Variants in LPIN2 observed in about 807,000 individuals in gnomAD.
LPIN2 encodes the protein phosphatidate phosphatase LPIN2.
A neutral mutation model predicts 111.4 loss-of-function variants in LPIN2; 55 were observed. The ratio of observed to expected loss-of-function variants is 0.49; its 90% confidence interval spans 0.40 to 0.62. The LOEUF is 0.62. LPIN2 is among the 20% of genes least tolerant of loss of function. LPIN2 has a pLI of 0.00. For synonymous variants in LPIN2, 425 were observed against 414.0 expected, an observed-to-expected ratio of 1.03 and a Z score of -0.32; for missense variants, 992 against 1,112.1, an observed-to-expected ratio of 0.89 and a Z score of 1.54.
At chr18:2,949,731 ATTGT>A (rs1213633449) in intron 4 of LPIN2, among the ~76,000 whole-genome samples, 1 of 152,226 alleles carries the variant, frequency 6.6e-6, no homozygotes, top group Admixed American at 6.5e-5. Context: ...TGGAAAATGA[ATTGT>A]TTTACAAAAA....
chr18:2,942,649 T>TAGG (rs1440840240), intron 4 of LPIN2, among the ~76,000 whole-genome samples: 1 of 152,206 alleles, frequency 6.6e-6, no homozygotes, highest in Non-Finnish European at 1.5e-5. Context: ...TTTTTGGTCA[T>TAGG]ATCCTGACAA....
At position 2,970,180 on chromosome 18, in the gene LPIN2, TGG is replaced by T. The variant is rs534150265; in HGVS notation, c.-9-9333_-9-9332del. Among the ~76,000 whole-genome samples, 41 of 152,274 alleles carry T rather than the reference TGG, an allele frequency of 2.7e-4. No individual in the cohort carries two copies. The South Asian group carries it at 8.3e-3, about 31-fold the overall frequency. On this transcript the variant is annotated intron_variant, in intron 1 of 19. Coordinates refer to ENST00000677752, the MANE Select transcript of LPIN2 (RefSeq NM_001375808.2). The stretch of plus-strand genomic sequence containing the variant: ...GATTTTCTGATTCAATATTTCTGTT[TGG>T]GAATTTAAACAGACACATAATGCAA...
chr18:2,995,179 G>C (rs1467012298), intron 1 of LPIN2, among the ~76,000 whole-genome samples: 4 of 100,842 alleles, frequency 4.0e-5, no homozygotes, highest in African/African-American at 1.1e-4. Flanking sequence ...AAAGAACTAT[G>C]AACTGAATAG....
At chr18:2,966,648 A>C (rs960848178) in intron 1 of LPIN2, among the ~76,000 whole-genome samples, 1 of 152,228 alleles carries the variant, frequency 6.6e-6, no homozygotes, top group African/African-American at 2.4e-5. Context: ...GGCTGCTTTC[A>C]GCAATCTGAG....
At chr18:2,948,281 T>A (rs1369872091) in intron 4 of LPIN2, 1 of 152,204 alleles carries the variant, frequency 6.6e-6, no homozygotes, top group East Asian at 1.9e-4. Context: ...GTGACATGCC[T>A]GCTTACCAAG....
intron 1 of LPIN2, among the ~76,000 whole-genome samples, chr18:2,987,876 T>C (rs1391463132): frequency 5.3e-5 from 8 of 151,818 alleles, no homozygotes; most frequent in Admixed American, 5.3e-4. Flanking sequence ...TCATCTCTAC[T>C]AAAAATACAA....
At chr18:2,956,790 T>G (rs1423934971) in intron 2 of LPIN2, among the ~76,000 whole-genome samples, 2 of 152,238 alleles carry the variant, frequency 1.3e-5, no homozygotes, top group Non-Finnish European at 2.9e-5. Flanking sequence ...AGAGATCAAG[T>G]ATGACATTTC....
chr18:2,927,892 G>A (rs2077158893), intron 11 of LPIN2, 81 bp from the exon 12 acceptor site: 3 of 1,154,350 alleles, frequency 2.6e-6, no homozygotes, highest in Admixed American at 3.4e-5. Flanking sequence ...TGAAGGACGG[G>A]GCCTTACTAT....
chr18:2,921,708 G>T, intron 17 of LPIN2, 61 bp from the exon 18 acceptor site: 3 of 1,229,826 alleles, frequency 2.4e-6, no homozygotes, highest in South Asian at 1.2e-5. Context: ...CCAGTGAGTG[G>T]TCCTAAAATT....
chr18:3,011,451 GA>G (rs2078601312), intron 1 of LPIN2, among the ~76,000 whole-genome samples: 1 of 148,526 alleles, frequency 6.7e-6, no homozygotes, highest in African/African-American at 2.4e-5. Context: ...TTGGGAGGCC[GA>G]GGGGGGCGGA....
At chr18:2,945,898 T>C (rs1431084783) in intron 4 of LPIN2, 2 of 1,424,264 alleles carry the variant, frequency 1.4e-6, no homozygotes, top group Non-Finnish European at 2.0e-6. Context: ...GTCCACATGT[T>C]TCTCTTTTGT....
intron 1 of LPIN2, among the ~76,000 whole-genome samples, chr18:3,000,383 A>T (rs1201407043): frequency 6.6e-6 from 1 of 152,230 alleles, no homozygotes; most frequent in African/African-American, 2.4e-5. Flanking sequence ...TTCCAAATTG[A>T]AAGTTCCCAC....
Position 2,956,503 on chromosome 18 carries a change from G to A in LPIN2, c.193-1904C>T, listed in dbSNP as rs117643977. 2.4e-3 allele frequency among the ~76,000 whole-genome samples: 365 copies of A among 152,318 alleles called. 3 individuals are homozygous for A. The highest frequency in any genetic ancestry group is 7.8e-3 in the African/African-American group (323 of 41,552). ...CTGGCGTAAAATAATTAATGCCAGA[G>A]CTGAGGCAGGGAAAGTAGCTTCTTC... On this transcript the variant is annotated intron_variant, in intron 2 of 19. Coordinates refer to ENST00000677752, the MANE Select transcript of LPIN2 (RefSeq NM_001375808.2).
intron 3 of LPIN2, among the ~76,000 whole-genome samples, chr18:2,952,277 T>C (rs993976013): frequency 4.6e-5 from 7 of 152,016 alleles, no homozygotes; most frequent in Admixed American, 2.0e-4. Flanking sequence ...AAATACAAAA[T>C]TAGCTGGGCC....
intron 1 of LPIN2, among the ~76,000 whole-genome samples, chr18:3,004,026 A>C (rs879333300): frequency 6.6e-6 from 1 of 152,172 alleles, no homozygotes; most frequent in Non-Finnish European, 1.5e-5. Flanking sequence ...CAGTTGAGAT[A>C]AGGACTGAAA....
chr18:2,954,392 A>G (rs2077579372), intron 3 of LPIN2, 112 bp downstream of exon 3: 2 of 755,190 alleles, frequency 2.6e-6, no homozygotes, highest in Non-Finnish European at 4.7e-6. Context: ...TGTCTTGCCA[A>G]CAACAGTCCT....
chr18:2,932,755 G>A (rs1260979939), intron 8 of LPIN2, among the ~76,000 whole-genome samples: 1 of 152,210 alleles, frequency 6.6e-6, no homozygotes, highest in Non-Finnish European at 1.5e-5. Context: ...TCTCCTATGC[G>A]ATGCTCATTC....
chr18:2,923,257 C>G (rs949696675), intron 16 of LPIN2, among the ~76,000 whole-genome samples: 4 of 151,802 alleles, frequency 2.6e-5, no homozygotes, highest in African/African-American at 9.7e-5. Flanking sequence ...CCCATCTGTA[C>G]TAAAAATACA....
chr18:3,010,968 C>T (rs149328949), intron 1 of LPIN2, among the ~76,000 whole-genome samples: 24 of 152,262 alleles, frequency 1.6e-4, no homozygotes, highest in African/African-American at 5.5e-4. Context: ...GAAGTGCCAC[C>T]GTCTTCCAGG....
Sources: allele counts gnomAD v4.1 joint callset (sites outside exome capture counted in the v4.1 genomes callset), GRCh38; gene constraint gnomAD v4.1.1; transcripts MANE v1.5; gene names NCBI Gene and HGNC (gene_info 2026-07-23, HGNC 2026-07-21).